Variants in HSPA13 observed in about 807,000 individuals in gnomAD.
The protein encoded by HSPA13 is heat shock protein family A (Hsp70) member 13.
Under a neutral mutation model 38.8 loss-of-function variants are expected in HSPA13, and 29 were observed. The observed-to-expected ratio is 0.75, with a 90% CI of 0.56 to 1.02. The LOEUF (loss-of-function observed/expected upper bound fraction) is 1.02, where lower values mean the gene tolerates loss of function less well. HSPA13 is among the 50% of genes least tolerant of loss of function. The pLI is 0.00. For synonymous variants in HSPA13, 192 were observed against 205.3 expected (o/e 0.94, Z 0.56); for missense variants, 451 against 560.9 (o/e 0.80, Z 1.98).
chr21:14,380,420 A>G (rs1984139293), intron 2 of HSPA13, among the ~76,000 whole-genome samples: 1 of 151,534 alleles, frequency 6.6e-6, no homozygotes, highest in Admixed American at 6.6e-5. Flanking sequence ...ATAAAATTCT[A>G]AAAATTCTGA....
Position 14,381,069 on chromosome 21 carries a change from G to A in HSPA13, c.366+134C>T. 7.4e-6 allele frequency: 5 copies of A among 673,892 alleles called. No individual in the cohort carries two copies. The South Asian group carries it at 1.0e-4, about 14-fold the overall frequency. The allele number at this position is 673,892 out of a possible 1,614,324, so 41.7% of individuals were successfully genotyped here. ...TCCTATAGCTGCTGTGGAATTTCTGGTTATGTGAGATAACAGAACTTTCAT... is the reference window on the plus strand; with the variant it reads ...TCCTATAGCTGCTGTGGAATTTCTGATTATGTGAGATAACAGAACTTTCAT... On this transcript the variant is annotated intron_variant, in intron 2 of 4. Transcript: ENST00000285667.
At chr21:14,375,841 G>T in intron 3 of HSPA13, 22 bp from the exon 4 acceptor site, 2 of 1,603,480 alleles carry the variant, frequency 1.2e-6, no homozygotes, top group South Asian at 2.2e-5. Context: ...GTTAAGGGAA[G>T]AAAAATTCAT....
chr21:14,376,845 G>T (rs1012173178), intron 3 of HSPA13, among the ~76,000 whole-genome samples: 2 of 152,122 alleles, frequency 1.3e-5, no homozygotes, highest in Non-Finnish European at 2.9e-5. Context: ...TCTCAATGAG[G>T]TTTGCCTGAT....
intron 1 of HSPA13, 84 bp downstream of exon 1, chr21:14,383,011 G>A: frequency 6.8e-7 from 1 of 1,470,130 alleles, no homozygotes; most frequent in Non-Finnish European, 9.5e-7. Flanking sequence ...AGATCCAGGA[G>A]GTGAGTCAAC....
At chr21:14,380,650 A>G (rs1984144701) in intron 2 of HSPA13, among the ~76,000 whole-genome samples, 2 of 152,210 alleles carry the variant, frequency 1.3e-5, no homozygotes, top group African/African-American at 4.8e-5. Flanking sequence ...CTAGCATTCA[A>G]GTTAGGAAAC....
chr21:14,382,981 C>T (rs996253793), intron 1 of HSPA13, 114 bp downstream of exon 1: 11 of 1,263,550 alleles, frequency 8.7e-6, no homozygotes, highest in Admixed American at 1.7e-5. Flanking sequence ...CTTTCTGACT[C>T]CCCTTCCGCT....
In HSPA13 at chr21:14,373,919, T is replaced by C; in HGVS notation, c.1114A>G (p.Thr372Ala). Residue 372 changes from threonine to alanine, a missense_variant, in exon 5 of 5, where the codon ACC becomes GCC. Physicochemically the swap from Thr to Ala is moderately conservative, Grantham distance 58. Coordinates refer to ENST00000285667, the MANE Select transcript of HSPA13 (RefSeq NM_006948.5). The stretch of plus-strand genomic sequence containing the variant: ...TTCTGAAAGAGGTCTTCATTAAGGG[T>C]ATCAAAGAGTTTCCGTGATATTTCT... ...ETEISRKLFDTLNEDLFQKIL... is the reference protein window; with the variant it reads ...ETEISRKLFDALNEDLFQKIL... 2 of 1,614,178 alleles carry C rather than the reference T, an allele frequency of 1.2e-6. No homozygotes were observed. The highest frequency in any genetic ancestry group is 1.7e-6 in the Non-Finnish European group (2 of 1,180,022).
chr21:14,373,630 G>T lies in HSPA13; in HGVS notation c.1403C>A (p.Thr468Asn), dbSNP rs777045245. The change falls in exon 5 of 5, where the codon ACC becomes AAC. Residue 468 changes from threonine (T) to asparagine (N), a missense_variant. By Grantham distance (65) the Thr-to-Asn change is moderately conservative. Transcript: ENST00000285667. ...TTTCTGCAGAATTCAGTTGAAGTTG[G>T]TTTTTTGTAAATGCTTATTGGGAAT... is the stretch of plus-strand genomic sequence containing the variant. ...LEIPNKHLQK[T>N]NFN The T allele has an allele frequency of 1.9e-6, 3 of 1,608,570 alleles. No individual in the cohort carries two copies. Among genetic ancestry groups the T allele is most frequent in the Non-Finnish European group, 2.5e-6 (3 of 1,178,550 alleles).
Position 14,371,228 on chromosome 21 carries a change from CAT to C in HSPA13, c.*2387_*2388del, listed in dbSNP as rs771544400. On this transcript the variant is annotated 3_prime_UTR_variant, in exon 5 of 5. Transcript: ENST00000285667. ...TGCACAATAACTGTAATATTTAGTACATGTTATACACAGCAGTATCTGTTAAG... is the reference window on the plus strand; with the variant it reads ...TGCACAATAACTGTAATATTTAGTACGTTATACACAGCAGTATCTGTTAAG... 1.5e-4 allele frequency: 23 copies of C among 152,536 alleles called. No homozygotes were observed. The highest frequency in any genetic ancestry group is 9.2e-4 in the Admixed American group (14 of 15,266). 9.4% of individuals were successfully genotyped at this position (152,536 alleles called of 1,614,324 possible).
intron 2 of HSPA13, among the ~76,000 whole-genome samples, chr21:14,380,021 AC>A (rs1220213989): frequency 2.0e-5 from 3 of 152,100 alleles, no homozygotes; most frequent in African/African-American, 7.2e-5. Flanking sequence ...AAAAAAAAAA[AC>A]AAAAACTAAT....
Position 14,381,783 on chromosome 21 carries a change from T to A in HSPA13, c.26-240A>T, listed in dbSNP as rs191442471. Among the ~76,000 whole-genome samples the A allele has an allele frequency of 6.9e-3, 1,045 of 152,314 alleles. 15 individuals are homozygous for A. The highest frequency in any genetic ancestry group is 0.023 in the African/African-American group (976 of 41,568). ...AACAACAAAAAACCCTATAACTGTA[T>A]GTTTGTGTCATTCTCTAATAAATGT... On this transcript the variant is annotated intron_variant, in intron 1 of 4. Coordinates refer to ENST00000285667, the MANE Select transcript of HSPA13 (RefSeq NM_006948.5).
chr21:14,378,078 C>T, intron 3 of HSPA13, 121 bp downstream of exon 3: 1 of 695,440 alleles, frequency 1.4e-6, no homozygotes, highest in Non-Finnish European at 2.5e-6. Flanking sequence ...ATACACCTAC[C>T]ATATAGTTTG....
rs1385323080 is a variant in HSPA13, at chr21:14,371,846, A to C, written c.*1771T>G. On this transcript the variant is annotated 3_prime_UTR_variant, in exon 5 of 5. Coordinates refer to ENST00000285667, the MANE Select transcript of HSPA13 (RefSeq NM_006948.5). Reference sequence around the variant, plus strand: ...GAAGACCTTCACAAAGAATTTTTCAATTCTAAAATCTATTACAGATTTATA... The same window carrying C: ...GAAGACCTTCACAAAGAATTTTTCACTTCTAAAATCTATTACAGATTTATA... 6.6e-6 allele frequency: 1 copy of C among 152,464 alleles called. No individual in the cohort carries two copies. The highest frequency in any genetic ancestry group is 1.5e-5 in the Non-Finnish European group (1 of 67,936). 9.4% of individuals were successfully genotyped at this position (152,464 alleles called of 1,614,324 possible). A position where few individuals can be genotyped will look rare whatever the true frequency, so the allele number is the denominator to read the frequency against.
At position 14,375,913 on chromosome 21, in the gene HSPA13, A is replaced by T. The variant is rs1054764097; in HGVS notation, c.581-94T>A. On this transcript the variant is annotated intron_variant, in intron 3 of 4. Coordinates refer to ENST00000285667, the MANE Select transcript of HSPA13 (RefSeq NM_006948.5). ...GCATGTTTGTGTCTTCTGTGACATG[A>T]ACTCCACCACTGAGTAATAATGAGA... 4 of 950,624 alleles carry T rather than the reference A, an allele frequency of 4.2e-6. No individual in the cohort carries two copies. The African/African-American group carries it at 6.5e-5, about 15-fold the overall frequency. The allele number at this position is 950,624 out of a possible 1,614,324, so 58.9% of individuals were successfully genotyped here.
chr21:14,375,740 G>A lies in HSPA13; in HGVS notation c.660C>T (p.His220=), dbSNP rs1477285888. The change falls in exon 4 of 5, where the codon CAC becomes CAT. Residue 220 remains histidine (H), a synonymous_variant. Coordinates refer to ENST00000285667, the MANE Select transcript of HSPA13 (RefSeq NM_006948.5). ...CTCCGCCCAAGTCTATCACCAAGAC[G>A]TGGAAGACGTCAGCCTTGTGGAGAC... ...AYGLHKADVF[H]VLVIDLGGGT... 1.9e-6 allele frequency: 3 copies of A among 1,613,894 alleles called. No homozygotes were observed. Among genetic ancestry groups the A allele is most frequent in the Non-Finnish European group, 2.5e-6 (3 of 1,179,790 alleles).
intron 1 of HSPA13, among the ~76,000 whole-genome samples, chr21:14,382,311 T>A (rs1458630290): frequency 2.6e-5 from 4 of 151,584 alleles, no homozygotes; most frequent in Non-Finnish European, 5.9e-5. Flanking sequence ...GCCCAACAAA[T>A]ACTAATTTAA....
chr21:14,376,991 T>C (rs1984043235), intron 3 of HSPA13, among the ~76,000 whole-genome samples: 1 of 152,220 alleles, frequency 6.6e-6, no homozygotes, highest in African/African-American at 2.4e-5. Context: ...GACAGGATTT[T>C]ACCTCCAGAA....
At chr21:14,379,973 A>G (rs371012132) in intron 2 of HSPA13, among the ~76,000 whole-genome samples, 3 of 152,128 alleles carry the variant, frequency 2.0e-5, no homozygotes, top group Middle Eastern at 3.4e-3. Flanking sequence ...AGATCATGCC[A>G]TTGCATTCCA....
At chr21:14,377,991 G>A (rs1984070614) in intron 3 of HSPA13, among the ~76,000 whole-genome samples, 1 of 152,228 alleles carries the variant, frequency 6.6e-6, no homozygotes, top group South Asian at 2.1e-4. Context: ...CTGTGATAGT[G>A]TGAGTCAATA....
Sources: allele counts gnomAD v4.1 joint callset (sites outside exome capture counted in the v4.1 genomes callset), GRCh38; gene constraint gnomAD v4.1.1; transcripts MANE v1.5; gene names NCBI Gene and HGNC (gene_info 2026-07-23, HGNC 2026-07-21).